The following CMIP variants were observed in gnomAD, a reference collection of about 807,000 sequenced individuals.
CMIP encodes C-Maf-inducing protein.
A neutral mutation model predicts 97.3 loss-of-function variants in CMIP; 13 were observed. The observed-to-expected ratio is 0.13, with a 90% confidence interval of 0.09 to 0.21. The LOEUF is 0.21. Ranked by LOEUF, CMIP falls within the 10% of genes least tolerant of loss-of-function variation. CMIP has a pLI of 1.00. For synonymous variants in CMIP, 538 were observed against 436.3 expected (o/e 1.23, Z -2.91); for missense variants, 847 against 1,024.9 (o/e 0.83, Z 2.37).
At chr16:81,699,828 G>C in intron 15 of CMIP, 27 bp downstream of exon 15, 7 of 1,507,750 alleles carry the variant, frequency 4.6e-6, no homozygotes, top group East Asian at 2.3e-5. Flanking sequence ...GGTCCCTGGT[G>C]GGGTGGCTGG....
Position 81,699,680 on chromosome 16 carries a change from C to A in CMIP, c.1639-5C>A, listed in dbSNP as rs770723649. 6.2e-7 allele frequency: 1 copy of A among 1,600,304 alleles called. No individual in the cohort carries two copies. The highest frequency in any genetic ancestry group is 8.6e-7 in the Non-Finnish European group (1 of 1,168,184). ...TCCCTTCACCTGGGCCTTCTTGCCT[C>A]ACAGGTGCACATCCTCATGGGCTCC... On this transcript the variant is annotated splice_polypyrimidine_tract_variant and splice_region_variant and intron_variant, in intron 14 of 20. Coordinates refer to ENST00000537098, the MANE Select transcript of CMIP (RefSeq NM_198390.3).
chr16:81,664,240 G>A (rs763025342), intron 6 of CMIP, 29 bp from the exon 7 acceptor site: 49 of 1,566,808 alleles, frequency 3.1e-5, no homozygotes, highest in Middle Eastern at 1.7e-4. Flanking sequence ...TCTTAGGGCC[G>A]CAGTAACTGT....
intron 6 of CMIP, 77 bp downstream of exon 6, chr16:81,661,023 AC>A: frequency 6.3e-7 from 1 of 1,579,252 alleles, no homozygotes; most frequent in Non-Finnish European, 8.7e-7. Flanking sequence ...TTGGGTTTGC[AC>A]AGAAAGGCCA....
At chr16:81,483,175 A>T (rs1469520876) in intron 1 of CMIP, among the ~76,000 whole-genome samples, 1 of 152,220 alleles carries the variant, frequency 6.6e-6, no homozygotes, top group African/African-American at 2.4e-5. Context: ...AGGGTGACCA[A>T]AGAAAATCTG....
At chr16:81,650,971 G>A (rs779783200) in intron 3 of CMIP, among the ~76,000 whole-genome samples, 17 of 152,178 alleles carry the variant, frequency 1.1e-4, no homozygotes, top group Non-Finnish European at 2.5e-4. Context: ...TGATAGCGGT[G>A]GGTCCCTTGA....
At position 81,645,875 on chromosome 16, in the gene CMIP, A is replaced by G. The variant is rs1309152971; in HGVS notation, c.478-6328A>G. 4 of 521,908 alleles carry G rather than the reference A, an allele frequency of 7.7e-6. No homozygotes were observed. The Admixed American group carries it at 1.3e-4, about 17-fold the overall frequency. The allele number at this position is 521,908 out of a possible 1,614,324, so 32.3% of individuals were successfully genotyped here. The stretch of plus-strand genomic sequence containing the variant: ...GAAATAGTCACAGCAAGCCTTTGAC[A>G]GTAGTTATTCTTATCCTGATTTGCA... On this transcript the variant is annotated intron_variant, in intron 3 of 20. Coordinates refer to ENST00000537098, the MANE Select transcript of CMIP (RefSeq NM_198390.3).
At chr16:81,452,880 G>GTTT (rs1220926915) in intron 1 of CMIP, among the ~76,000 whole-genome samples, 2 of 63,734 alleles carry the variant, frequency 3.1e-5, no homozygotes, top group African/African-American at 1.8e-4. Flanking sequence ...TTTTTTTTTT[G>GTTT]TTTTGTTTTT....
intron 1 of CMIP, 88 bp downstream of exon 1, chr16:81,445,629 G>A: frequency 1.4e-6 from 2 of 1,403,154 alleles, no homozygotes; most frequent in Non-Finnish European, 1.9e-6. Context: ...TGCACCTGGA[G>A]CCCAGGGCCT....
intron 1 of CMIP, among the ~76,000 whole-genome samples, chr16:81,562,743 A>G (rs749750986): frequency 3.9e-5 from 6 of 152,270 alleles, no homozygotes; most frequent in Non-Finnish European, 7.3e-5. Flanking sequence ...AAGGGCTCCA[A>G]GTTCATATCA....
intron 1 of CMIP, among the ~76,000 whole-genome samples, chr16:81,594,847 GT>G (rs1262863727): frequency 2.0e-5 from 3 of 146,400 alleles, no homozygotes; most frequent in African/African-American, 7.6e-5. Flanking sequence ...AGCCAGAATG[GT>G]CTCAATCTCC....
chr16:81,611,967 G>A (rs2150948513), intron 2 of CMIP, among the ~76,000 whole-genome samples: 1 of 152,296 alleles, frequency 6.6e-6, no homozygotes, highest in South Asian at 2.1e-4. Flanking sequence ...TGTTTTGGAT[G>A]CTTTGTGTTT....
intron 1 of CMIP, among the ~76,000 whole-genome samples, chr16:81,601,240 C>T (rs1009096991): frequency 4.6e-5 from 7 of 152,186 alleles, no homozygotes; most frequent in Non-Finnish European, 8.8e-5. Flanking sequence ...CTCCTCCCTT[C>T]CCTGGCACAT....
intron 10 of CMIP, among the ~76,000 whole-genome samples, chr16:81,685,304 C>T (rs1283006107): frequency 6.6e-6 from 1 of 152,150 alleles, no homozygotes; most frequent in Non-Finnish European, 1.5e-5. Context: ...CTGTCCAGAC[C>T]CCGCCTCAGA....
chr16:81,480,817 A>G (rs1908214025), intron 1 of CMIP, among the ~76,000 whole-genome samples: 1 of 152,178 alleles, frequency 6.6e-6, no homozygotes, highest in Admixed American at 6.5e-5. Context: ...TTGGGAAAGG[A>G]CGGGGGTGGT....
chr16:81,660,262 T>C (rs1597209522), intron 5 of CMIP, among the ~76,000 whole-genome samples: 1 of 151,346 alleles, frequency 6.6e-6, no homozygotes, highest in Non-Finnish European at 1.5e-5. Context: ...TTTGCAAGTA[T>C]TTCTTTTTTC....
rs758449683 is a variant in CMIP, at chr16:81,652,826, C to T, written c.639+462C>T. ...TTTAAAAACAATCAGAAAATCCAGC[C>T]GCGGTTTGCAGCTGGTGCTACCTGA... On this transcript the variant is annotated intron_variant, in intron 4 of 20. Transcript: ENST00000537098. This position sits in a 1 kb window ranked among gnomAD's most constrained non-coding sequence, Gnocchi z 5.2. 7.2e-5 allele frequency among the ~76,000 whole-genome samples: 11 copies of T among 152,150 alleles called. No individual in the cohort carries two copies. The highest frequency in any genetic ancestry group is 1.2e-4 in the African/African-American group (5 of 41,426).
chr16:81,653,623 A>G (rs1020906658), intron 4 of CMIP, among the ~76,000 whole-genome samples: 8 of 152,292 alleles, frequency 5.3e-5, no homozygotes, highest in Admixed American at 3.9e-4. Flanking sequence ...GTCCCTGCTC[A>G]CCTGTAGTAA....
intron 1 of CMIP, among the ~76,000 whole-genome samples, chr16:81,521,407 C>T (rs2090024828): frequency 6.6e-6 from 1 of 152,016 alleles, no homozygotes; most frequent in African/African-American, 2.4e-5. Context: ...CACGAGCTGC[C>T]CCCGCTGTCG....
At chr16:81,491,920 C>T (rs369626480) in intron 1 of CMIP, among the ~76,000 whole-genome samples, 3 of 152,288 alleles carry the variant, frequency 2.0e-5, no homozygotes, top group East Asian at 1.9e-4. Context: ...ACCTAGTCTT[C>T]GCCGTGATGG....
Sources: allele counts gnomAD v4.1 joint callset (sites outside exome capture counted in the v4.1 genomes callset), GRCh38; gene constraint gnomAD v4.1.1; non-coding constraint Gnocchi (gnomAD v3.1); transcripts MANE v1.5; gene names NCBI Gene and HGNC (gene_info 2026-07-23, HGNC 2026-07-21).